The following SLC8A3 variants were observed in gnomAD, a reference collection of about 807,000 sequenced individuals.
SLC8A3 encodes the protein sodium/calcium exchanger 3.
In SLC8A3, 37 loss-of-function variants were observed where a neutral mutation model predicts 65.4. The observed-to-expected ratio is 0.57, with a 90% confidence interval of 0.44 to 0.74. SLC8A3 has a LOEUF of 0.74. Ranked by LOEUF, SLC8A3 falls within the 30% of genes least tolerant of loss-of-function variation. The pLI is 0.00. For synonymous variants in SLC8A3, 461 were observed against 444.5 expected, an observed-to-expected ratio of 1.04 and a Z score of -0.47; for missense variants, 1,112 against 1,172.1, an observed-to-expected ratio of 0.95 and a Z score of 0.75.
chr14:70,176,657 C>A (rs1355201618), intron 1 of SLC8A3, among the ~76,000 whole-genome samples: 2 of 152,212 alleles, frequency 1.3e-5, no homozygotes, highest in South Asian at 2.1e-4. Context: ...ATGCGCTGGA[C>A]AAACATCTCA....
intron 2 of SLC8A3, among the ~76,000 whole-genome samples, chr14:70,117,438 C>A (rs1053572561): frequency 6.6e-6 from 1 of 152,196 alleles, no homozygotes; most frequent in Non-Finnish European, 1.5e-5. Flanking sequence ...AGGTATGGAG[C>A]CTTAGGGCTT....
At chr14:70,117,211 G>A (rs990882029) in intron 2 of SLC8A3, among the ~76,000 whole-genome samples, 1 of 152,226 alleles carries the variant, frequency 6.6e-6, no homozygotes, top group Non-Finnish European at 1.5e-5. Flanking sequence ...GATGCCCTGT[G>A]TCCAAAGAGC....
intron 2 of SLC8A3, among the ~76,000 whole-genome samples, chr14:70,159,410 C>CAAAAAAAA (rs5809471): frequency 3.0e-5 from 4 of 133,686 alleles, no homozygotes; most frequent in African/African-American, 1.1e-4. Flanking sequence ...AAGACTCTGT[C>CAAAAAAAA]AAAAAAAAAA....
rs890330656 is a variant in SLC8A3, at chr14:70,080,187, T to C, written c.1785-19248A>G. On this transcript the variant is annotated intron_variant, in intron 2 of 6. Transcript: ENST00000356921. ...GTCATTCCCTAGGTTTTCGGCTCCA[T>C]GCTGGAAGAGTTGATACTCAGACTA... is the stretch of plus-strand genomic sequence containing the variant. 6 of 985,232 alleles carry C rather than the reference T, an allele frequency of 6.1e-6. No homozygotes were observed. In the African/African-American group the frequency reaches 8.7e-5, roughly 14 times the overall value. 61.0% of individuals were successfully genotyped at this position (985,232 alleles called of 1,614,324 possible).
At chr14:70,054,829 TA>T (rs1417082715) in intron 3 of SLC8A3, among the ~76,000 whole-genome samples, 2 of 152,148 alleles carry the variant, frequency 1.3e-5, no homozygotes, top group African/African-American at 4.8e-5. Context: ...ACCCAAGATG[TA>T]GCCTGTAGGT....
intron 2 of SLC8A3, among the ~76,000 whole-genome samples, chr14:70,113,115 A>G (rs1359506805): frequency 6.6e-6 from 1 of 152,160 alleles, no homozygotes; most frequent in East Asian, 1.9e-4. Context: ...CTTGAGATAT[A>G]GTACTGTCAT....
Position 70,167,688 on chromosome 14 carries a change from G to A in SLC8A3, c.735C>T (p.Val245=), listed in dbSNP as rs1428636002. Residue 245 remains valine (V), a synonymous_variant, in exon 2 of 7, where the codon GTC becomes GTT. Coordinates refer to ENST00000356921, the MANE Select transcript of SLC8A3 (RefSeq NM_182932.3). ...LLTLFFFPVC[V]LLAWVADKRL... The stretch of plus-strand genomic sequence containing the variant: ...GTTTATCTGCCACCCAGGCCAGAAG[G>A]ACACACACTGGAAAGAAGAAGAGAG... The A allele has an allele frequency of 5.0e-6, 8 of 1,614,144 alleles. No homozygotes were observed. Among genetic ancestry groups the A allele is most frequent in the Admixed American group, 1.7e-5 (1 of 60,010 alleles).
At chr14:70,061,445 G>T (rs1442249985) in intron 2 of SLC8A3, among the ~76,000 whole-genome samples, 1 of 151,900 alleles carries the variant, frequency 6.6e-6, no homozygotes, top group Non-Finnish European at 1.5e-5. Flanking sequence ...CCTTCTTTAT[G>T]TCTATACTCA....
chr14:70,091,606 C>T (rs573285026), intron 2 of SLC8A3, among the ~76,000 whole-genome samples: 1 of 152,280 alleles, frequency 6.6e-6, no homozygotes, highest in East Asian at 1.9e-4. Context: ...GTGTCGGAGC[C>T]ACGCACCCCT....
intron 2 of SLC8A3, among the ~76,000 whole-genome samples, chr14:70,153,263 CCTG>C (rs142316174): frequency 0.11 from 16,222 of 152,130 alleles, 1,155 homozygotes; most frequent in Non-Finnish European, 0.16. Flanking sequence ...TAAATTGTGT[CCTG>C]GTGGTGTGTG....
chr14:70,059,822 T>C (rs142446301), intron 3 of SLC8A3, among the ~76,000 whole-genome samples: 481 of 152,274 alleles, frequency 3.2e-3, no homozygotes, highest in Middle Eastern at 6.8e-3. Context: ...GTCTCTTCTG[T>C]TGGAAAATCC....
chr14:70,138,381 G>T (rs1453488050), intron 2 of SLC8A3, among the ~76,000 whole-genome samples: 1 of 152,186 alleles, frequency 6.6e-6, no homozygotes, highest in African/African-American at 2.4e-5. Context: ...GTTGACCAAA[G>T]GAAAGAAAGA....
At chr14:70,100,540 G>A (rs766529986) in intron 2 of SLC8A3, among the ~76,000 whole-genome samples, 3 of 152,206 alleles carry the variant, frequency 2.0e-5, no homozygotes, top group Non-Finnish European at 4.4e-5. Context: ...ATAGCAAAGA[G>A]CTTCACAAGG....
intron 1 of SLC8A3, chr14:70,187,277 GA>G (rs1883334062): frequency 4.6e-5 from 4 of 86,026 alleles, no homozygotes; most frequent in Non-Finnish European, 1.2e-4. Context: ...GAGAGAAAGA[GA>G]GAGAGAGAGA....
At chr14:70,075,427 G>A (rs1318138268) in intron 2 of SLC8A3, among the ~76,000 whole-genome samples, 1 of 152,208 alleles carries the variant, frequency 6.6e-6, no homozygotes, top group African/African-American at 2.4e-5. Context: ...AATGGGAGGA[G>A]GGTGGAGTGT....
At chr14:70,063,210 T>A (rs534747136) in intron 2 of SLC8A3, among the ~76,000 whole-genome samples, 2 of 152,342 alleles carry the variant, frequency 1.3e-5, no homozygotes, top group Non-Finnish European at 2.9e-5. Flanking sequence ...GATCTGGAAC[T>A]CAAACCTGTA....
intron 1 of SLC8A3, among the ~76,000 whole-genome samples, chr14:70,171,780 A>G (rs1897555638): frequency 6.6e-6 from 1 of 152,200 alleles, no homozygotes; most frequent in Non-Finnish European, 1.5e-5. Context: ...CACCCGGGCA[A>G]CAAGAGTGAA....
intron 2 of SLC8A3, among the ~76,000 whole-genome samples, chr14:70,070,862 C>A (rs140078837): frequency 3.9e-5 from 6 of 152,154 alleles, no homozygotes; most frequent in Admixed American, 6.5e-5. Flanking sequence ...TGATTTGGAA[C>A]GGTTGCTTTC....
In SLC8A3 at chr14:70,052,387, A is replaced by G. The variant is rs546600726; in HGVS notation, c.1889-273T>C. On this transcript the variant is annotated intron_variant, in intron 3 of 6. Coordinates refer to ENST00000356921, the MANE Select transcript of SLC8A3 (RefSeq NM_182932.3). ...AAACATCTCCTGAGAAATAGCATCAAGTGAAGTTCTCAAGACACTCAGTGA... is the reference window on the plus strand; with the variant it reads ...AAACATCTCCTGAGAAATAGCATCAGGTGAAGTTCTCAAGACACTCAGTGA... 6.2e-4 allele frequency among the ~76,000 whole-genome samples: 94 copies of G among 152,348 alleles called. 1 individual carries two copies. Among genetic ancestry groups the G allele is most frequent in the Non-Finnish European group, 1.1e-3 (76 of 68,032 alleles).
Sources: gnomAD v4.1 joint callset for allele counts (sites outside exome capture counted in the v4.1 genomes callset) on GRCh38, gnomAD v4.1.1 for gene constraint, MANE v1.5 for transcripts, NCBI Gene and HGNC (gene_info 2026-07-23, HGNC 2026-07-21) for gene names.